CD44: variants seen among roughly 807,000 people sequenced by gnomAD.
The protein encoded by CD44 is CD44 antigen.
A neutral mutation model predicts 88.8 loss-of-function variants in CD44; 49 were observed. The ratio of observed to expected loss-of-function variants is 0.55; its 90% CI spans 0.44 to 0.70. CD44 has a LOEUF of 0.70. CD44 is among the 30% of genes least tolerant of loss of function. The pLI, the probability that CD44 is intolerant of heterozygous loss-of-function variation, is 0.00. For synonymous variants in CD44, 325 were observed against 312.3 expected (o/e 1.04, Z -0.43); for missense variants, 883 against 913.8 (o/e 0.97, Z 0.43).
intron 12 of CD44, among the ~76,000 whole-genome samples, chr11:35,209,063 A>G (rs1348889624): frequency 6.6e-6 from 1 of 152,200 alleles, no homozygotes; most frequent in African/African-American, 2.4e-5. Flanking sequence ...TTTCCGTTTT[A>G]TGTCACTGTT....
At chr11:35,209,916 T>A (rs1334911694) in intron 12 of CD44, 49 bp from the exon 13 acceptor site, 1 of 1,256,994 alleles carries the variant, frequency 8.0e-7, no homozygotes, top group Non-Finnish European at 1.1e-6. Flanking sequence ...ATAACAGGAT[T>A]TGTACCGTAG....
chr11:35,196,718 A>G, intron 5 of CD44, 28 bp from the exon 6 acceptor site: 1 of 1,609,732 alleles, frequency 6.2e-7, no homozygotes, highest in African/African-American at 1.3e-5. Flanking sequence ...TAATCTTTCA[A>G]CAATCAATTC....
chr11:35,196,771 A>G lies in CD44; in HGVS notation c.693A>G (p.Ala231=), dbSNP rs1405167907. 3 of 1,613,896 alleles carry G rather than the reference A, an allele frequency of 1.9e-6. No homozygotes were observed. In the Admixed American group the frequency reaches 5.0e-5, roughly 27 times the overall value. The part of the protein sequence containing the change: ...ATTLMSTSAT[A]TETATKRQET... ...CTTTGATGAGCACTAGTGCTACAGC[A>G]ACTGAGACAGCAACCAAGAGGCAAG... Residue 231 remains alanine, a synonymous_variant, in exon 6 of 18, where the codon GCA becomes GCG. Coordinates refer to ENST00000428726, the MANE Select transcript of CD44 (RefSeq NM_000610.4).
At chr11:35,182,027 A>G (rs1250773214) in intron 3 of CD44, among the ~76,000 whole-genome samples, 1 of 124,698 alleles carries the variant, frequency 8.0e-6, no homozygotes, top group East Asian at 2.0e-4. Context: ...GTATATATAA[A>G]TATATACACA....
intron 1 of CD44, among the ~76,000 whole-genome samples, chr11:35,158,125 C>A (rs143094145): frequency 3.9e-5 from 6 of 152,338 alleles, no homozygotes; most frequent in African/African-American, 1.4e-4. Flanking sequence ...CTCTGGAAAA[C>A]TCATCTGGTT....
chr11:35,171,696 A>C (rs1025669313), intron 1 of CD44, among the ~76,000 whole-genome samples: 1 of 152,242 alleles, frequency 6.6e-6, no homozygotes, highest in Admixed American at 6.5e-5. Flanking sequence ...CATTCAAGAT[A>C]CTGTTATAAG....
intron 5 of CD44, chr11:35,190,442 T>G (rs76261067): frequency 0.022 from 5,313 of 239,746 alleles, 69 homozygotes; most frequent in Non-Finnish European, 0.026. Context: ...TGGATAAGAT[T>G]GTTTTCATAA....
chr11:35,226,543 A>G (rs1949700087), intron 17 of CD44, among the ~76,000 whole-genome samples: 2 of 152,206 alleles, frequency 1.3e-5, no homozygotes, highest in African/African-American at 4.8e-5. Flanking sequence ...CTTTTGTTAT[A>G]TTAACAATTA....
intron 7 of CD44, among the ~76,000 whole-genome samples, chr11:35,199,934 G>GTTTTTTTTT (rs60509735): frequency 2.3e-3 from 209 of 90,810 alleles, no homozygotes; most frequent in Non-Finnish European, 3.2e-3. Context: ...CCATGGTGTT[G>GTTTTTTTTT]TTTTTTTTTT....
rs1292491879 is a variant in CD44 at position 35,193,028 on chromosome 11, C to T, written c.667+2963C>T. Among the ~76,000 whole-genome samples, 6 of 152,000 alleles carry T rather than the reference C, an allele frequency of 3.9e-5. No individual in the cohort carries two copies. The East Asian group carries it at 1.2e-3, about 29-fold the overall frequency. On this transcript the variant is annotated intron_variant, in intron 5 of 17. Coordinates refer to ENST00000428726, the MANE Select transcript of CD44 (RefSeq NM_000610.4). ...GAATTATGCATCTTTAATAAAGTTT[C>T]TGAGGTGAGAATGTGGTGTCTGTGG...
At chr11:35,187,583 G>A (rs796161519) in intron 4 of CD44, among the ~76,000 whole-genome samples, 42 of 152,180 alleles carry the variant, frequency 2.8e-4, no homozygotes, top group African/African-American at 9.9e-4. Context: ...TAAATAGAAG[G>A]CAACCTTAAT....
At chr11:35,199,588 G>A (rs1947096291) in intron 7 of CD44, among the ~76,000 whole-genome samples, 1 of 152,016 alleles carries the variant, frequency 6.6e-6, no homozygotes, top group Non-Finnish European at 1.5e-5. Flanking sequence ...AGGCATCTGA[G>A]TATATAACAT....
At chr11:35,174,077 T>C (rs1233726126) in intron 1 of CD44, among the ~76,000 whole-genome samples, 1 of 152,238 alleles carries the variant, frequency 6.6e-6, no homozygotes, top group African/African-American at 2.4e-5. Context: ...TCAAAGGTAC[T>C]GGGTACCCAG....
Position 35,211,433 on chromosome 11 carries a change from C to T in CD44, c.1794C>T (p.Val598=). ...CTGTTGGAGATTCCAACTCTAATGTCAATCGTTCCTTATCAGGTAATTTGG... is the reference window on the plus strand; with the variant it reads ...CTGTTGGAGATTCCAACTCTAATGTTAATCGTTCCTTATCAGGTAATTTGG... ...AVTVGDSNSN[V]NRSLSGDQDT... Residue 598 remains valine, a synonymous_variant, in exon 14 of 18, where the codon GTC becomes GTT. Coordinates refer to ENST00000428726, the MANE Select transcript of CD44 (RefSeq NM_000610.4). The T allele has an allele frequency of 6.2e-7, 1 of 1,613,384 alleles. No homozygotes were observed. The highest frequency in any genetic ancestry group is 8.5e-7 in the Non-Finnish European group (1 of 1,179,454).
chr11:35,229,576 G>C lies in CD44; in HGVS notation c.*243G>C. On this transcript the variant is annotated 3_prime_UTR_variant, in exon 18 of 18. Coordinates refer to ENST00000428726, the MANE Select transcript of CD44 (RefSeq NM_000610.4). ...AATCAGCAAGAATTTGATCGTTCCA[G>C]TTCCCACTTGGAGGCCTTTCATCCC... The C allele has an allele frequency of 2.0e-6, 1 of 496,958 alleles. No homozygotes were observed. Among genetic ancestry groups the C allele is most frequent in the Admixed American group, 3.7e-5 (1 of 27,012 alleles). The allele number at this position is 496,958 out of a possible 1,614,324, so 30.8% of individuals were successfully genotyped here. A position where few individuals can be genotyped will look rare whatever the true frequency, so the allele number is the denominator to read the frequency against.
At chr11:35,175,192 A>G (rs1944326900) in intron 1 of CD44, among the ~76,000 whole-genome samples, 1 of 152,234 alleles carries the variant, frequency 6.6e-6, no homozygotes, top group Admixed American at 6.5e-5. Flanking sequence ...AGAATTGAAG[A>G]CAAGCTTTGT....
chr11:35,227,627 T>C (rs1176585054), intron 17 of CD44, among the ~76,000 whole-genome samples: 1 of 152,202 alleles, frequency 6.6e-6, no homozygotes, highest in South Asian at 2.1e-4. Flanking sequence ...CTACCTCCTG[T>C]TGAGGAGGTA....
rs1189212481 is a variant in CD44 at position 35,231,166 on chromosome 11, G to A, written c.*1833G>A. On this transcript the variant is annotated 3_prime_UTR_variant, in exon 18 of 18. Transcript: ENST00000428726. ...GGCCAGATCCATTTTCAGTGGTCTG[G>A]ATTTCTTTTTATTTTCTTTTCAACT... is the stretch of plus-strand genomic sequence containing the variant. 6.6e-6 allele frequency: 1 copy of A among 152,598 alleles called. No homozygotes were observed. Among genetic ancestry groups the A allele is most frequent in the Non-Finnish European group, 1.5e-5 (1 of 68,046 alleles). 9.5% of individuals were successfully genotyped at this position (152,598 alleles called of 1,614,324 possible). A position where few individuals can be genotyped will look rare whatever the true frequency, so the allele number is the denominator to read the frequency against.
In CD44 at chr11:35,201,121, A is replaced by G. The variant is rs776216352; in HGVS notation, c.962A>G (p.Asn321Ser). ...TPRAFDHTKQ[N>S]QDWTQWNPSH... ...CGGGCTTTTGACCACACAAAACAGA[A>G]CCAGGACTGGACCCAGTGGAACCCA... The change falls in exon 8 of 18, where the codon AAC becomes AGC. Residue 321 changes from asparagine (N) to serine (S), a missense_variant. By Grantham distance (46) the Asn-to-Ser change is conservative. Transcript: ENST00000428726. 4.3e-6 allele frequency: 7 copies of G among 1,614,018 alleles called. No individual in the cohort carries two copies. In the Admixed American group the frequency reaches 1.2e-4, roughly 27 times the overall value.
Sources: allele counts gnomAD v4.1 joint callset (sites outside exome capture counted in the v4.1 genomes callset), GRCh38; gene constraint gnomAD v4.1.1; transcripts MANE v1.5; gene names NCBI Gene and HGNC (gene_info 2026-07-23, HGNC 2026-07-21).